The following ERCC5 variants were observed in gnomAD, a reference collection of about 807,000 sequenced individuals.
ERCC5 encodes ERCC excision repair 5, endonuclease, also known as DNA excision repair protein ERCC-5.
In ERCC5, 68 loss-of-function variants were observed where a neutral mutation model predicts 105.6. The ratio of observed to expected loss-of-function variants is 0.64; its 90% confidence interval spans 0.53 to 0.79. ERCC5 has a LOEUF of 0.79. Among genes scored for constraint, ERCC5 ranks in the 30% least tolerant of loss-of-function variants. The pLI, the probability that ERCC5 is intolerant of heterozygous loss-of-function variation, is 0.00. For missense variants in ERCC5, 1,373 were observed against 1,426.7 expected (o/e 0.96, Z 0.61); for synonymous variants, 546 against 526.2 (o/e 1.04, Z -0.51).
At chr13:102,856,279 A>G (rs1882415746) in intron 5 of ERCC5, among the ~76,000 whole-genome samples, 167 bp downstream of exon 5, 1 of 118,886 alleles carries the variant, frequency 8.4e-6, no homozygotes, top group Non-Finnish European at 1.8e-5. Context: ...TATTTAAAAC[A>G]CACTCACCTA....
At chr13:102,873,015 C>G (rs753467580) in intron 13 of ERCC5, among the ~76,000 whole-genome samples, 1 of 152,148 alleles carries the variant, frequency 6.6e-6, no homozygotes, top group Non-Finnish European at 1.5e-5. Flanking sequence ...AGTCACAAGT[C>G]TTTGATGTCC....
chr13:102,849,097 T>A (rs749189785), intron 1 of ERCC5: 2 of 517,342 alleles, frequency 3.9e-6, no homozygotes, highest in Non-Finnish European at 7.7e-6. Flanking sequence ...TATGTAATAG[T>A]GAGCTTCATG....
intron 4 of ERCC5, among the ~76,000 whole-genome samples, 162 bp from the exon 5 acceptor site, chr13:102,855,890 C>G (rs1224647742): frequency 6.6e-6 from 1 of 152,218 alleles, no homozygotes. Context: ...TAATTGCTTA[C>G]TTACACGTGT....
chr13:102,851,571 G>T (rs946744203), intron 1 of ERCC5, among the ~76,000 whole-genome samples: 2 of 152,296 alleles, frequency 1.3e-5, no homozygotes, highest in Non-Finnish European at 1.5e-5. Flanking sequence ...GGGATTACAG[G>T]TGTGAGCCAC....
chr13:102,873,674 CT>C (rs2140540417), intron 14 of ERCC5, among the ~76,000 whole-genome samples: 1 of 152,204 alleles, frequency 6.6e-6, no homozygotes, highest in South Asian at 2.1e-4. Context: ...GAAAGGAAGT[CT>C]TCAAAGCAAT....
chr13:102,875,214 A>G (rs1883170369), intron 14 of ERCC5, 93 bp from the exon 15 acceptor site: 3 of 1,374,304 alleles, frequency 2.2e-6, no homozygotes, highest in African/African-American at 1.5e-5. Context: ...TAGTAATCCA[A>G]TGTGAGTGAT....
intron 11 of ERCC5, among the ~76,000 whole-genome samples, chr13:102,867,845 T>C (rs1189879715): frequency 1.2e-4 from 18 of 152,206 alleles, no homozygotes; most frequent in Admixed American, 1.1e-3. Flanking sequence ...GTTGAATATA[T>C]GTGACTGTGG....
intron 4 of ERCC5, 116 bp downstream of exon 4, chr13:102,854,490 AATAGGC>A (rs1882330425): frequency 1.0e-6 from 1 of 999,264 alleles, no homozygotes; most frequent in Non-Finnish European, 1.5e-6. Context: ...ATGCATCTGA[AATAGGC>A]ATGCTCTATA....
intron 3 of ERCC5, 131 bp downstream of exon 3, chr13:102,854,003 T>A: frequency 1.3e-6 from 1 of 779,234 alleles, no homozygotes; most frequent in Non-Finnish European, 1.9e-6. Context: ...ATGAGACAAG[T>A]AGGCTGCCAT....
Position 102,865,453 on chromosome 13 carries a change from G to T in ERCC5, c.1955-214G>T, listed in dbSNP as rs1882796890. On this transcript the variant is annotated intron_variant, in intron 8 of 14. Coordinates refer to ENST00000652225, the MANE Select transcript of ERCC5 (RefSeq NM_000123.4). The surrounding 1 kb of genome is among the most constrained non-coding windows in gnomAD (Gnocchi z 4.0). Reference sequence around the variant, plus strand: ...TTTCCTACTTTCAAAGACAGTGCCAGTTTACCTAATTGAAAAGGCTTGTTT... The same window carrying T: ...TTTCCTACTTTCAAAGACAGTGCCATTTTACCTAATTGAAAAGGCTTGTTT... 1.7e-6 allele frequency: 1 copy of T among 573,070 alleles called. No individual in the cohort carries two copies. Among genetic ancestry groups the T allele is most frequent in the Non-Finnish European group, 3.0e-6 (1 of 335,568 alleles). 35.5% of individuals were successfully genotyped at this position (573,070 alleles called of 1,614,324 possible).
At chr13:102,873,566 A>AT (rs1004568767) in intron 14 of ERCC5, among the ~76,000 whole-genome samples, 3 of 152,124 alleles carry the variant, frequency 2.0e-5, no homozygotes, top group Admixed American at 1.3e-4. Flanking sequence ...TTTCATATTC[A>AT]TTTTTTTCTT....
chr13:102,863,075 A>G lies in ERCC5; in HGVS notation c.1926A>G (p.Glu642=), dbSNP rs575691378. The G allele has an allele frequency of 4.1e-4, 660 of 1,614,078 alleles. 6 individuals carry two copies. The South Asian group carries it at 7.0e-3, about 17-fold the overall frequency. The part of the protein sequence containing the change: ...ISIPKAVEPM[E]IDSEESESDG... Reference sequence around the variant, plus strand: ...TTCCAAAGGCCGTGGAACCAATGGAAATTGACTCGGAAGAAAGTGAATCTG... The same window carrying G: ...TTCCAAAGGCCGTGGAACCAATGGAGATTGACTCGGAAGAAAGTGAATCTG... The change falls in exon 8 of 15, where the codon GAA becomes GAG. Residue 642 remains glutamate (E), a synonymous_variant. Transcript: ENST00000652225.
chr13:102,864,126 C>CCACACA (rs10647676), intron 8 of ERCC5, among the ~76,000 whole-genome samples: 5,841 of 140,898 alleles, frequency 0.041, 145 homozygotes, highest in Middle Eastern at 0.059. Context: ...AGAGAATCAA[C>CCACACA]CACACACACA....
At chr13:102,846,980 A>G (rs956219956) in intron 1 of ERCC5, among the ~76,000 whole-genome samples, 47 of 152,356 alleles carry the variant, frequency 3.1e-4, no homozygotes, top group Admixed American at 1.2e-3. Flanking sequence ...TGAGGAATAA[A>G]GAAATTGCCT....
chr13:102,849,053 A>C (rs1882091034), intron 1 of ERCC5: 1 of 464,244 alleles, frequency 2.2e-6, no homozygotes, highest in Non-Finnish European at 4.3e-6. Flanking sequence ...GTTAAAGTTT[A>C]AAGTAGTGGG....
At position 102,862,959 on chromosome 13, in the gene ERCC5, G is replaced by T. The variant is rs373893754; in HGVS notation, c.1810G>T (p.Val604Leu). ...SEAVDNVENV[V>L]SFNAKEHENF... ...GGCAGTAGATAATGTGGAAAATGTG[G>T]TGTCATTTAATGCTAAAGAGCATGA... Residue 604 changes from valine to leucine, a missense_variant, in exon 8 of 15, where the codon GTG becomes TTG. Val to Leu is a conservative substitution (Grantham distance 32, BLOSUM62 1). Around this residue, in one of 3 missense-constraint regions of ERCC5, gnomAD observed 1,004 missense variants for 1,059.7 expected, o/e 0.95. Coordinates refer to ENST00000652225, the MANE Select transcript of ERCC5 (RefSeq NM_000123.4). The T allele has an allele frequency of 7.4e-6, 12 of 1,614,100 alleles. No homozygotes were observed. The African/African-American group carries it at 1.6e-4, about 22-fold the overall frequency.
At chr13:102,854,441 A>G in intron 4 of ERCC5, 67 bp downstream of exon 4, 2 of 1,472,834 alleles carry the variant, frequency 1.4e-6, no homozygotes, top group South Asian at 1.2e-5. Context: ...TTAAACCTTG[A>G]TGTGTTATCT....
intron 10 of ERCC5, 64 bp downstream of exon 10, chr13:102,866,445 A>G: frequency 1.2e-6 from 2 of 1,613,406 alleles, no homozygotes; most frequent in African/African-American, 1.3e-5. Context: ...AATGCACTGC[A>G]TGAAGGGGGT....
chr13:102,852,259 A>T lies in ERCC5; in HGVS notation c.230A>T (p.Asp77Val), dbSNP rs1345076210. The change falls in exon 2 of 15, where the codon GAT (aspartate) becomes GTT (valine). Residue 77 changes from aspartate (D) to valine (V), a missense_variant. By Grantham distance (152) the Asp-to-Val change is radical. Coordinates refer to ENST00000652225, the MANE Select transcript of ERCC5 (RefSeq NM_000123.4). ...FFRIRPIFVF[D>V]GDAPLLKKQT... ...CGAATTCGTCCTATTTTTGTGTTTG[A>T]TGGGGATGCTCCACTATTGAAGAAA... 1 of 1,613,948 alleles carries T rather than the reference A, an allele frequency of 6.2e-7. No homozygotes were observed. Among genetic ancestry groups the T allele is most frequent in the Non-Finnish European group, 8.5e-7 (1 of 1,180,010 alleles).
Sources: gnomAD v4.1 joint callset for allele counts (sites outside exome capture counted in the v4.1 genomes callset) on GRCh38, gnomAD v4.1.1 for gene constraint, gnomAD v4.1.1 regional missense constraint, Gnocchi (gnomAD v3.1) non-coding constraint, MANE v1.5 for transcripts, NCBI Gene and HGNC (gene_info 2026-07-23, HGNC 2026-07-21) for gene names.